TAX1BP3: variants seen among roughly 807,000 people sequenced by gnomAD.
TAX1BP3 encodes Tax1 binding protein 3.
A neutral mutation model predicts 15.3 loss-of-function variants in TAX1BP3; 13 were observed. The observed-to-expected ratio is 0.85, with a 90% CI of 0.55 to 1.35. TAX1BP3 has a LOEUF of 1.35. Ranked by LOEUF, TAX1BP3 falls within the 40% of genes most tolerant of loss-of-function variation. TAX1BP3 has a pLI of 0.00. For missense variants in TAX1BP3, 147 were observed against 169.6 expected (o/e 0.87, Z 0.74); for synonymous variants, 70 against 66.0 (o/e 1.06, Z -0.30).
At chr17:3,665,951 C>A (rs1228244944) in intron 1 of TAX1BP3, among the ~76,000 whole-genome samples, 1 of 152,102 alleles carries the variant, frequency 6.6e-6, no homozygotes, top group African/African-American at 2.4e-5. Flanking sequence ...AGCCCCAGAC[C>A]CTGCTCTTGT....
rs1456846725 is a variant in TAX1BP3 at position 3,663,782 on chromosome 17, A to G, written c.341T>C (p.Leu114Pro). ...CATGGACTGCTGCACGGCCTTCTGC[A>G]GCGACTGCCGCGTCACCAGCAGACG... ...VVRLLVTRQSLQKAVQQSMLS is the reference protein window; with the variant it reads ...VVRLLVTRQSPQKAVQQSMLS Residue 114 changes from leucine to proline, a missense_variant, in exon 4 of 4, where the codon CTG (leucine) becomes CCG (proline). By Grantham distance (98) the Leu-to-Pro change is moderately conservative. Transcript: ENST00000225525. The G allele has an allele frequency of 6.2e-7, 1 of 1,605,744 alleles. No homozygotes were observed. The highest frequency in any genetic ancestry group is 8.5e-7 in the Non-Finnish European group (1 of 1,179,586).
rs573252965 is a variant in TAX1BP3 at position 3,663,215 on chromosome 17, G to A, written c.*533C>T. On this transcript the variant is annotated 3_prime_UTR_variant, in exon 4 of 4. Transcript: ENST00000225525. ...GGGGAGGCCAGCACCCCTCGGGAGA[G>A]TGGGAGTGAACGCGGAGCCCACCTG... The A allele has an allele frequency of 6.6e-6, 1 of 152,654 alleles. No homozygotes were observed. Among genetic ancestry groups the A allele is most frequent in the South Asian group, 2.1e-4 (1 of 4,836 alleles). 9.5% of individuals were successfully genotyped at this position (152,654 alleles called of 1,614,324 possible). A position where few individuals can be genotyped will look rare whatever the true frequency, so the allele number is the denominator to read the frequency against.
At chr17:3,664,066 G>A in intron 3 of TAX1BP3, 129 bp downstream of exon 3, 1 of 1,444,666 alleles carries the variant, frequency 6.9e-7, no homozygotes, top group Non-Finnish European at 9.5e-7. Flanking sequence ...CTGGGGCAAT[G>A]CCAGTATGGG....
chr17:3,663,716 C>T lies in TAX1BP3; in HGVS notation c.*32G>A, dbSNP rs557023285. The T allele has an allele frequency of 2.8e-5, 45 of 1,586,526 alleles. No homozygotes were observed. Among genetic ancestry groups the T allele is most frequent in the Middle Eastern group, 3.9e-4 (2 of 5,180 alleles). On this transcript the variant is annotated 3_prime_UTR_variant, in exon 4 of 4. Coordinates refer to ENST00000225525, the MANE Select transcript of TAX1BP3 (RefSeq NM_014604.4). ...GAAGTGGCGTTACTGTACAGAGAGG[C>T]GGCAGGCAGGAGTCGCAGATGGTGG...
Position 3,668,499 on chromosome 17 carries a change from T to A in TAX1BP3, c.28A>T (p.Thr10Ser). 1 of 1,609,920 alleles carries A rather than the reference T, an allele frequency of 6.2e-7. No homozygotes were observed. The highest frequency in any genetic ancestry group is 8.5e-7 in the Non-Finnish European group (1 of 1,178,772). Residue 10 changes from threonine (T) to serine (S), a missense_variant, in exon 1 of 4, where the codon ACC becomes TCC. Coordinates refer to ENST00000225525, the MANE Select transcript of TAX1BP3 (RefSeq NM_014604.4). The surrounding 1 kb of genome is among the most constrained non-coding windows in gnomAD (Gnocchi z 4.1). ...GCAAGCGCACTCACCACCACGGCGG[T>A]GACCGGCTGGCCCGGGATGTAGGAC... MSYIPGQPV[T>S]AVVQRVEIHK...
At chr17:3,665,555 T>C (rs1479132617) in intron 1 of TAX1BP3, 9 of 1,374,900 alleles carry the variant, frequency 6.5e-6, no homozygotes, top group Non-Finnish European at 9.3e-6. Flanking sequence ...TGAAGGAAAA[T>C]GATCAGAAAA....
At chr17:3,663,978 G>T in intron 3 of TAX1BP3, 93 bp from the exon 4 acceptor site, 1 of 1,523,476 alleles carries the variant, frequency 6.6e-7, no homozygotes, top group East Asian at 2.3e-5. Context: ...ATTCAAGTAG[G>T]CCCCCAGCCT....
intron 1 of TAX1BP3, among the ~76,000 whole-genome samples, chr17:3,665,067 T>C (rs567177460): frequency 6.6e-6 from 1 of 152,326 alleles, no homozygotes; most frequent in Non-Finnish European, 1.5e-5. Flanking sequence ...TGGAAGCCCC[T>C]GCTGGCCCAA....
chr17:3,666,380 A>G (rs2076339776), intron 1 of TAX1BP3, among the ~76,000 whole-genome samples: 4 of 151,976 alleles, frequency 2.6e-5, no homozygotes, highest in Admixed American at 2.6e-4. Context: ...GCCGGGGGAC[A>G]TGGAGCTACC....
chr17:3,667,722 G>A (rs1217007533), intron 1 of TAX1BP3, among the ~76,000 whole-genome samples: 1 of 152,148 alleles, frequency 6.6e-6, no homozygotes, highest in East Asian at 1.9e-4. Flanking sequence ...TCTGTCATAG[G>A]GTTGTGTCCC....
rs1229983601 is a variant in TAX1BP3, at chr17:3,665,740, TCCAAAAAAAAA to T, written c.40-953_40-943del. ...AAAAAAAAATAAAGGATCTCTGGGCTCCAAAAAAAAAAAAAAAAAAAAAAAGAAAGGAGAGG... is the reference window on the plus strand; with the variant it reads ...AAAAAAAAATAAAGGATCTCTGGGCTAAAAAAAAAAAAAAGAAAGGAGAGG... On this transcript the variant is annotated intron_variant, in intron 1 of 3. Coordinates refer to ENST00000225525, the MANE Select transcript of TAX1BP3 (RefSeq NM_014604.4). The T allele has an allele frequency of 2.3e-3, 266 of 115,968 alleles. 7 individuals are homozygous for T. The East Asian group carries it at 0.03, about 13-fold the overall frequency. The allele number at this position is 115,968 out of a possible 1,614,324, so 7.2% of individuals were successfully genotyped here.
chr17:3,665,140 G>A (rs572698956), intron 1 of TAX1BP3: 1 of 786,356 alleles, frequency 1.3e-6, no homozygotes, highest in East Asian at 2.5e-5. Context: ...CTCTGGAAAA[G>A]CAGAGATCAA....
intron 1 of TAX1BP3, among the ~76,000 whole-genome samples, chr17:3,668,000 G>A (rs1047219985): frequency 5.9e-5 from 9 of 152,260 alleles, no homozygotes; most frequent in African/African-American, 2.2e-4. Flanking sequence ...GGTTGGAGGA[G>A]CAAGGCTGGA....
At chr17:3,665,181 C>T in intron 1 of TAX1BP3, 1 of 963,388 alleles carries the variant, frequency 1.0e-6, no homozygotes, top group Non-Finnish European at 1.7e-6. Flanking sequence ...AAGGGGTTTC[C>T]TTTCGGCCGG....
At chr17:3,666,400 A>G (rs2076339890) in intron 1 of TAX1BP3, among the ~76,000 whole-genome samples, 2 of 152,254 alleles carry the variant, frequency 1.3e-5, no homozygotes, top group African/African-American at 4.8e-5. Flanking sequence ...CTGAAAATGG[A>G]GATCTACAGA....
chr17:3,668,194 A>G lies in TAX1BP3; in HGVS notation c.39+294T>C, dbSNP rs1282476378. On this transcript the variant is annotated intron_variant, in intron 1 of 3. Coordinates refer to ENST00000225525, the MANE Select transcript of TAX1BP3 (RefSeq NM_014604.4). This position sits in a 1 kb window ranked among gnomAD's most constrained non-coding sequence, Gnocchi z 4.1. The stretch of plus-strand genomic sequence containing the variant: ...CGTCTGGGGACACGGAGGCCCGGGA[A>G]GGGGGCGCTTTTCCAGGCTCCTGCA... Among the ~76,000 whole-genome samples the G allele has an allele frequency of 6.6e-6, 1 of 152,072 alleles. No homozygotes were observed. Among genetic ancestry groups the G allele is most frequent in the Non-Finnish European group, 1.5e-5 (1 of 67,986 alleles).
At position 3,663,589 on chromosome 17, in the gene TAX1BP3, T is replaced by G; in HGVS notation, c.*159A>C. 82 of 1,066,632 alleles carry G rather than the reference T, an allele frequency of 7.7e-5. No individual in the cohort carries two copies. The highest frequency in any genetic ancestry group is 3.2e-4 in the Middle Eastern group (1 of 3,094). 66.1% of individuals were successfully genotyped at this position (1,066,632 alleles called of 1,614,324 possible). ...GGTCCCAGAGGCCCCAGGCCAGGGA[T>G]GGGAGAAGGGAAGGAAGGCCAGGCC... On this transcript the variant is annotated 3_prime_UTR_variant, in exon 4 of 4. Transcript: ENST00000225525.
chr17:3,664,807 G>T lies in TAX1BP3; in HGVS notation c.40-9C>A. ...TGAATTTCAACTCTTTGCTGGCAAA[G>T]AAAAAAGCCAGTTGAGAGAAGTGGG... On this transcript the variant is annotated splice_polypyrimidine_tract_variant and intron_variant, in intron 1 of 3. Transcript: ENST00000225525. 6.2e-7 allele frequency: 1 copy of T among 1,611,372 alleles called. No individual in the cohort carries two copies. The highest frequency in any genetic ancestry group is 8.5e-7 in the Non-Finnish European group (1 of 1,178,870).
At chr17:3,665,426 G>C in intron 1 of TAX1BP3, 1 of 1,455,540 alleles carries the variant, frequency 6.9e-7, no homozygotes, top group Non-Finnish European at 9.5e-7. Context: ...ATGTTCCCCA[G>C]CATGCTGTTG....
Sources: gnomAD v4.1 joint callset for allele counts (sites outside exome capture counted in the v4.1 genomes callset) on GRCh38, gnomAD v4.1.1 for gene constraint, Gnocchi (gnomAD v3.1) non-coding constraint, MANE v1.5 for transcripts, NCBI Gene and HGNC (gene_info 2026-07-23, HGNC 2026-07-21) for gene names.